NTM: variants seen among roughly 807,000 people sequenced by gnomAD.
The protein encoded by NTM is neurotrimin, also known as IgLON family member 2.
In NTM, 13 loss-of-function variants were observed where a neutral mutation model predicts 42.1. The observed-to-expected ratio is 0.31, with a 90% CI of 0.20 to 0.49. The LOEUF is 0.49. Ranked by LOEUF, NTM falls within the 20% of genes least tolerant of loss-of-function variation. The probability of loss-of-function intolerance (pLI) is 0.99; values close to 1 mark genes in which losing one functional copy is unlikely to be tolerated. For synonymous variants in NTM, 187 were observed against 179.2 expected (o/e 1.04, Z -0.35); for missense variants, 373 against 452.8 (o/e 0.82, Z 1.60).
Position 132,133,195 on chromosome 11 carries a change from CA to C in NTM, c.168-13086del, listed in dbSNP as rs113535492. 1.8e-3 allele frequency among the ~76,000 whole-genome samples: 275 copies of C among 152,298 alleles called. 4 individuals carry two copies. Among genetic ancestry groups the C allele is most frequent in the African/African-American group, 6.3e-3 (261 of 41,558 alleles). On this transcript the variant is annotated intron_variant, in intron 2 of 8. Transcript: ENST00000683400. ...TATTTATACTCATTTGTAAAGTTCT[CA>C]GCAGAAACTTCACTTCTACAAGCCC... is the stretch of plus-strand genomic sequence containing the variant.
intron 2 of NTM, among the ~76,000 whole-genome samples, chr11:131,981,759 C>T (rs2065269887): frequency 6.6e-6 from 1 of 152,054 alleles, no homozygotes. Flanking sequence ...GCCTGTAATC[C>T]CAGCACATTG....
chr11:132,172,252 C>A (rs1051504689), intron 3 of NTM, among the ~76,000 whole-genome samples: 2 of 152,198 alleles, frequency 1.3e-5, no homozygotes, highest in Admixed American at 6.5e-5. Context: ...GGTAAAAATA[C>A]ATTATTACCA....
rs572531587 is a variant in NTM at position 131,845,825 on chromosome 11, T to C, written c.83-65739T>C. Among the ~76,000 whole-genome samples the C allele has an allele frequency of 8.5e-5, 13 of 152,234 alleles. No individual in the cohort carries two copies. The East Asian group carries it at 2.5e-3, about 29-fold the overall frequency. ...TAATTTGCTAATGTTTACCCGAGGA[T>C]TTTTCCTTCCCTATACATAAGAATG... On this transcript the variant is annotated intron_variant, in intron 1 of 8. Transcript: ENST00000683400.
chr11:131,506,406 G>A (rs1162822276), intron 1 of NTM, among the ~76,000 whole-genome samples: 1 of 152,190 alleles, frequency 6.6e-6, no homozygotes, highest in Admixed American at 6.5e-5. Context: ...TCCATCGGGA[G>A]CACTAATGGG....
intron 2 of NTM, among the ~76,000 whole-genome samples, chr11:131,927,395 C>G (rs1326660231): frequency 2.0e-5 from 3 of 152,148 alleles, no homozygotes; most frequent in Non-Finnish European, 4.4e-5. Context: ...CTGGCCTGGC[C>G]TTGGAGCCAT....
intron 1 of NTM, among the ~76,000 whole-genome samples, chr11:131,658,886 G>A (rs1046380931): frequency 7.2e-5 from 11 of 152,082 alleles, no homozygotes; most frequent in African/African-American, 9.7e-5. Flanking sequence ...CACGAGAATC[G>A]CTTGAACCAG....
intron 2 of NTM, among the ~76,000 whole-genome samples, chr11:132,115,705 A>T (rs1200658570): frequency 6.6e-6 from 1 of 152,164 alleles, no homozygotes; most frequent in Non-Finnish European, 1.5e-5. Context: ...TGTTTCTGTG[A>T]CCACTTGCCC....
chr11:131,850,295 T>G (rs2045382770), intron 1 of NTM, among the ~76,000 whole-genome samples: 1 of 152,284 alleles, frequency 6.6e-6, no homozygotes, highest in Non-Finnish European at 1.5e-5. Context: ...TTTGCATACT[T>G]GAAGCTATTA....
At chr11:131,702,049 C>T (rs538564257) in intron 1 of NTM, among the ~76,000 whole-genome samples, 2 of 152,280 alleles carry the variant, frequency 1.3e-5, no homozygotes, top group East Asian at 1.9e-4. Flanking sequence ...TTTCCTGCTG[C>T]CTTCTCTCAG....
At chr11:131,741,212 T>A (rs12361966) in intron 1 of NTM, among the ~76,000 whole-genome samples, 4,056 of 146,906 alleles carry the variant, frequency 0.028, 85 homozygotes, top group South Asian at 0.072. Flanking sequence ...AGAGAGATGT[T>A]TTTTGGAGCC....
intron 3 of NTM, among the ~76,000 whole-genome samples, chr11:132,157,911 T>C (rs2073538636): frequency 6.6e-6 from 1 of 152,208 alleles, no homozygotes; most frequent in African/African-American, 2.4e-5. Flanking sequence ...CACGTCCTGC[T>C]AGATTTTCTG....
intron 2 of NTM, among the ~76,000 whole-genome samples, chr11:132,118,433 G>A (rs2064213048): frequency 6.6e-6 from 1 of 152,212 alleles, no homozygotes; most frequent in African/African-American, 2.4e-5. Flanking sequence ...TGTGCAGATG[G>A]CAGAGAATAA....
At chr11:131,436,461 G>A (rs1015990908) in intron 1 of NTM, among the ~76,000 whole-genome samples, 2 of 152,082 alleles carry the variant, frequency 1.3e-5, no homozygotes, top group African/African-American at 4.8e-5. Flanking sequence ...CAATTTCAGA[G>A]CCTGTTATTG....
chr11:132,046,929 GTATT>G (rs1282910700), intron 2 of NTM, among the ~76,000 whole-genome samples: 10 of 152,064 alleles, frequency 6.6e-5, no homozygotes, highest in African/African-American at 1.9e-4. Flanking sequence ...CTCATATTGA[GTATT>G]TATTCTGTGT....
At chr11:131,600,053 T>C (rs2512879) in intron 1 of NTM, among the ~76,000 whole-genome samples, 64,824 of 152,126 alleles carry the variant, frequency 0.43, 15,980 homozygotes, top group East Asian at 0.61. Context: ...CTCTGGGGTC[T>C]GAAGTTGAGC....
chr11:132,114,391 C>T (rs958846179), intron 2 of NTM, among the ~76,000 whole-genome samples: 1 of 152,244 alleles, frequency 6.6e-6, no homozygotes, highest in Middle Eastern at 3.4e-3. Flanking sequence ...CACGAGAGGG[C>T]AATGCAGGGC....
chr11:132,254,895 C>T (rs77908624), intron 4 of NTM, among the ~76,000 whole-genome samples: 2,565 of 152,260 alleles, frequency 0.017, 57 homozygotes, highest in African/African-American at 0.05. Flanking sequence ...TGATGGGATA[C>T]CGGGCAACAC....
chr11:131,525,601 G>A (rs578253678), intron 1 of NTM, among the ~76,000 whole-genome samples: 2 of 152,270 alleles, frequency 1.3e-5, no homozygotes, highest in African/African-American at 4.8e-5. Flanking sequence ...CAGTAAGGTG[G>A]CGCTCTCTTC....
At chr11:132,047,204 G>C (rs563946077) in intron 2 of NTM, among the ~76,000 whole-genome samples, 1 of 152,352 alleles carries the variant, frequency 6.6e-6, no homozygotes, top group African/African-American at 2.4e-5. Flanking sequence ...TAAGAAGAAT[G>C]AGCAGGATTC....
Sources: allele counts gnomAD v4.1 joint callset (sites outside exome capture counted in the v4.1 genomes callset), GRCh38; gene constraint gnomAD v4.1.1; transcripts MANE v1.5; gene names NCBI Gene and HGNC (gene_info 2026-07-23, HGNC 2026-07-21).